Variants in NEO1 observed in about 807,000 individuals in gnomAD.
The protein encoded by NEO1 is neogenin 1.
Under a neutral mutation model 159.7 loss-of-function variants are expected in NEO1, and 63 were observed. The ratio of observed to expected loss-of-function variants is 0.39; its 90% CI spans 0.32 to 0.49. NEO1 has a LOEUF of 0.49. NEO1 is among the 20% of genes least tolerant of loss of function. The pLI, the probability that NEO1 is intolerant of heterozygous loss-of-function variation, is 0.85. For synonymous variants in NEO1, 633 were observed against 662.0 expected, an observed-to-expected ratio of 0.96 and a Z score of 0.67; for missense variants, 1,615 against 1,831.0, an observed-to-expected ratio of 0.88 and a Z score of 2.15.
chr15:73,281,272 C>G (rs1270073462), intron 22 of NEO1, among the ~76,000 whole-genome samples: 8 of 150,724 alleles, frequency 5.3e-5, no homozygotes, highest in Non-Finnish European at 7.4e-5. Flanking sequence ...TTTTTTCCCC[C>G]CTAGACGGAG....
rs765498148 is a variant in NEO1, at chr15:73,133,200, T to TAC, written c.879-2687_879-2686dup. Among the ~76,000 whole-genome samples the TAC allele has an allele frequency of 9.2e-5, 14 of 152,194 alleles. No individual in the cohort carries two copies. The East Asian group carries it at 1.9e-3, about 21-fold the overall frequency. On this transcript the variant is annotated intron_variant, in intron 4 of 28. Coordinates refer to ENST00000261908, the MANE Select transcript of NEO1 (RefSeq NM_002499.4). ...ATATATATATATACGTATATATATA[T>TAC]ACACATACTACTCAGCAATAAAAAG...
rs567275781 is a variant in NEO1, at chr15:73,205,308, G to A, written c.1291+26881G>A. Among the ~76,000 whole-genome samples the A allele has an allele frequency of 1.2e-3, 190 of 152,146 alleles. 1 individual carries two copies. Among genetic ancestry groups the A allele is most frequent in the African/African-American group, 4.2e-3 (175 of 41,502 alleles). ...TGTCCTCTCTTGACTATGGGTTGTCGTATTCTCTTCTAACCCCCACTTAGG... is the reference window on the plus strand; with the variant it reads ...TGTCCTCTCTTGACTATGGGTTGTCATATTCTCTTCTAACCCCCACTTAGG... On this transcript the variant is annotated intron_variant, in intron 7 of 28. Transcript: ENST00000261908.
rs555521974 is a variant in NEO1 at position 73,116,364 on chromosome 15, G to A, written c.131-176G>A. ...GTTCTTCTAAATGGCTCAAAGTTTG[G>A]TTTCCTACTTGAAAGTAAATCTTAT... On this transcript the variant is annotated intron_variant, in intron 1 of 28. Coordinates refer to ENST00000261908, the MANE Select transcript of NEO1 (RefSeq NM_002499.4). Among the ~76,000 whole-genome samples, 135 of 152,064 alleles carry A rather than the reference G, an allele frequency of 8.9e-4. 1 individual carries two copies. Among genetic ancestry groups the A allele is most frequent in the African/African-American group, 3.2e-3 (131 of 41,496 alleles).
rs143628309 is a variant in NEO1, at chr15:73,245,873, A to C, written c.1606+1375A>C. On this transcript the variant is annotated intron_variant, in intron 9 of 28. Transcript: ENST00000261908. ...TGGGATTACAAGCATGAGCCATCGC[A>C]CCCGGCCACCTCAGTGTATTCTTCA... Among the ~76,000 whole-genome samples, 1,451 of 151,976 alleles carry C rather than the reference A, an allele frequency of 9.5e-3. 31 individuals carry two copies. The highest frequency in any genetic ancestry group is 0.033 in the African/African-American group (1,382 of 41,428).
intron 5 of NEO1, among the ~76,000 whole-genome samples, chr15:73,165,975 G>A (rs2034546167): frequency 6.6e-6 from 1 of 152,128 alleles, no homozygotes; most frequent in Admixed American, 6.5e-5. Flanking sequence ...AGTCACCTGT[G>A]TAGCCTTTCT....
intron 7 of NEO1, among the ~76,000 whole-genome samples, chr15:73,186,600 CTAAA>C (rs1305919454): frequency 6.6e-6 from 1 of 151,138 alleles, no homozygotes; most frequent in Non-Finnish European, 1.5e-5. Context: ...TTTTTTCACT[CTAAA>C]TAGTTTATTT....
intron 11 of NEO1, among the ~76,000 whole-genome samples, chr15:73,251,166 A>G (rs1277507291): frequency 6.6e-6 from 1 of 152,186 alleles, no homozygotes; most frequent in African/African-American, 2.4e-5. Flanking sequence ...ACAGCCATTC[A>G]TTGTACTATT....
At chr15:73,107,973 G>A (rs2070774999) in intron 1 of NEO1, among the ~76,000 whole-genome samples, 1 of 152,160 alleles carries the variant, frequency 6.6e-6, no homozygotes, top group Non-Finnish European at 1.5e-5. Flanking sequence ...CTTGAAACCA[G>A]GAGTTTGAGA....
chr15:73,155,320 A>G (rs2033699669), intron 5 of NEO1, among the ~76,000 whole-genome samples: 1 of 151,930 alleles, frequency 6.6e-6, no homozygotes, highest in Non-Finnish European at 1.5e-5. Context: ...TGAGAAGTCA[A>G]CTGTTAGTCT....
intron 7 of NEO1, among the ~76,000 whole-genome samples, chr15:73,209,123 T>A (rs1282630027): frequency 6.6e-6 from 1 of 152,210 alleles, no homozygotes; most frequent in Non-Finnish European, 1.5e-5. Context: ...TATTTTAAAT[T>A]TGGAAAAAGT....
At chr15:73,232,443 G>C (rs937589697) in intron 7 of NEO1, among the ~76,000 whole-genome samples, 3 of 152,174 alleles carry the variant, frequency 2.0e-5, no homozygotes, top group Non-Finnish European at 2.9e-5. Context: ...TGAGCTGATG[G>C]GTCTTTGTGT....
chr15:73,278,111 C>G lies in NEO1; in HGVS notation c.3194-20C>G. 6.2e-7 allele frequency: 1 copy of G among 1,605,042 alleles called. No individual in the cohort carries two copies. Among genetic ancestry groups the G allele is most frequent in the Non-Finnish European group, 8.5e-7 (1 of 1,173,454 alleles). On this transcript the variant is annotated intron_variant, in intron 21 of 28. Coordinates refer to ENST00000261908, the MANE Select transcript of NEO1 (RefSeq NM_002499.4). ...GCCAAATGTGTGGGGTCATTATTGA[C>G]ATGATTTCTTCTCCTTTAGCCTCAG...
At chr15:73,269,980 A>G (rs186334383) in intron 16 of NEO1, 30 bp from the exon 17 acceptor site, 370 of 1,545,648 alleles carry the variant, frequency 2.4e-4, no homozygotes, top group Non-Finnish European at 3.0e-4. Context: ...TTAAAATGCC[A>G]CTTCCCTTTT....
chr15:73,081,013 C>CA lies in NEO1; in HGVS notation c.130+28210dup, dbSNP rs540330654. 4.9e-4 allele frequency among the ~76,000 whole-genome samples: 75 copies of CA among 152,160 alleles called. 1 individual carries two copies. The highest frequency in any genetic ancestry group is 7.1e-4 in the Non-Finnish European group (48 of 67,998). On this transcript the variant is annotated intron_variant, in intron 1 of 28. Coordinates refer to ENST00000261908, the MANE Select transcript of NEO1 (RefSeq NM_002499.4). The stretch of plus-strand genomic sequence containing the variant: ...AGAATTATTGAAAAATTTGAAAAGT[C>CA]AATTTCATAATTAACTGATTGACTT...
At chr15:73,234,802 A>G (rs2039087080) in intron 7 of NEO1, among the ~76,000 whole-genome samples, 1 of 152,244 alleles carries the variant, frequency 6.6e-6, no homozygotes, top group African/African-American at 2.4e-5. Context: ...CTGGAAGTCA[A>G]GTTTTCAGAC....
intron 5 of NEO1, among the ~76,000 whole-genome samples, chr15:73,165,405 A>G (rs1407169855): frequency 6.6e-6 from 1 of 152,192 alleles, no homozygotes; most frequent in East Asian, 1.9e-4. Flanking sequence ...AGAGAGATGG[A>G]GAAAATAAAG....
intron 1 of NEO1, among the ~76,000 whole-genome samples, chr15:73,060,993 A>C (rs1052277763): frequency 2.6e-5 from 4 of 152,212 alleles, no homozygotes; most frequent in Non-Finnish European, 5.9e-5. Flanking sequence ...CTCAACCATT[A>C]TGCAACCTAC....
chr15:73,126,450 A>G lies in NEO1; in HGVS notation c.758A>G (p.Lys253Arg), dbSNP rs2030260755. 1 of 1,607,404 alleles carries G rather than the reference A, an allele frequency of 6.2e-7. No individual in the cohort carries two copies. Among genetic ancestry groups the G allele is most frequent in the South Asian group, 1.1e-5 (1 of 89,532 alleles). Residue 253 changes from lysine to arginine, a missense_variant, in exon 4 of 29, where the codon AAA becomes AGA. Around this residue, in one of 3 missense-constraint regions of NEO1, gnomAD observed 1,018 missense variants for 1,115.4 expected, o/e 0.91. Transcript: ENST00000261908. Reference sequence around the variant, plus strand: ...GTGATATCAGACTTGGTATTTTTGAAACAGCCTTCTCCCTTAGTCAGAGTC... The same window carrying G: ...GTGATATCAGACTTGGTATTTTTGAGACAGCCTTCTCCCTTAGTCAGAGTC... ...PEVISDLVFL[K>R]QPSPLVRVIG...
At chr15:73,137,214 G>A (rs1295789620) in intron 5 of NEO1, among the ~76,000 whole-genome samples, 1 of 151,946 alleles carries the variant, frequency 6.6e-6, no homozygotes, top group East Asian at 1.9e-4. Context: ...GCAACCAAGT[G>A]AATAATGTAT....
Sources: allele counts gnomAD v4.1 joint callset (sites outside exome capture counted in the v4.1 genomes callset), GRCh38; gene constraint gnomAD v4.1.1; regional missense constraint gnomAD v4.1.1; transcripts MANE v1.5; gene names NCBI Gene and HGNC (gene_info 2026-07-23, HGNC 2026-07-21).